Variants in DEGS2 observed in about 807,000 individuals in gnomAD.
DEGS2 encodes delta 4-desaturase, sphingolipid 2.
DEGS2 carries 19 observed loss-of-function variants against 23.8 expected under a neutral mutation model. That is an observed-to-expected ratio of 0.80 (90% CI 0.56 to 1.17). The LOEUF (loss-of-function observed/expected upper bound fraction) is 1.17, where lower values mean the gene tolerates loss of function less well. Among genes scored for constraint, DEGS2 ranks in the 50% most tolerant of loss-of-function variants. DEGS2 has a pLI of 0.00. For missense variants in DEGS2, 390 were observed against 459.5 expected (o/e 0.85, Z 1.38); for synonymous variants, 218 against 213.7 (o/e 1.02, Z -0.18).
intron 2 of DEGS2, 125 bp downstream of exon 2, chr14:100,148,843 A>G: frequency 8.7e-7 from 1 of 1,155,078 alleles, no homozygotes; most frequent in Non-Finnish European, 1.2e-6. Context: ...GCAAGTGGCC[A>G]TGCCATGACT....
the DEGS2 span, among the ~76,000 whole-genome samples, chr14:100,166,846 G>C: frequency 6.6e-6 from 1 of 152,174 alleles, no homozygotes; most frequent in Non-Finnish European, 1.5e-5. Flanking sequence ...AAGGAAGTCC[G>C]GGCGCCGTGG....
intron 2 of DEGS2, among the ~76,000 whole-genome samples, chr14:100,148,300 G>A (rs76469745): frequency 9.5e-4 from 144 of 152,316 alleles, no homozygotes; most frequent in African/African-American, 3.2e-3. Context: ...AGAGGCGTGC[G>A]CTCAGGCGCT....
Position 100,149,556 on chromosome 14 carries a change from G to C in DEGS2, c.237C>G (p.Cys79Trp), listed in dbSNP as rs374486808. 1 of 1,606,898 alleles carries C rather than the reference G, an allele frequency of 6.2e-7. No homozygotes were observed. Among genetic ancestry groups the C allele is most frequent in the Non-Finnish European group, 8.5e-7 (1 of 1,178,252 alleles). The change falls in exon 2 of 3, where the codon TGC becomes TGG. Residue 79 changes from cysteine to tryptophan, a missense_variant. Transcript: ENST00000305631. ...TGGCCAGCGTCAGCGAGTGGTTCAC[G>C]CAGCCACCAAAGGCGTAGGCCCAGA... ...LLFWAYAFGG[C>W]VNHSLTLAIH...
At chr14:100,163,285 A>G (rs1449630281), upstream of DEGS2, among the ~76,000 whole-genome samples, 2 of 151,838 alleles carry the variant, frequency 1.3e-5, no homozygotes, top group Non-Finnish European at 2.9e-5. Flanking sequence ...TACTAAAAAT[A>G]CAAAAATTAG....
Position 100,146,822 on chromosome 14 carries a change from T to C in DEGS2, c.911A>G (p.Asp304Gly). The change falls in exon 3 of 3, where the codon GAC (aspartate) becomes GGC (glycine). Residue 304 changes from aspartate (D) to glycine (G), a missense_variant. Asp to Gly is a moderately conservative substitution (Grantham distance 94). Coordinates refer to ENST00000305631, the MANE Select transcript of DEGS2 (RefSeq NM_206918.3). Reference protein sequence around the residue: ...VKVLWDFVFEDSLGPYARVKR... With the variant: ...VKVLWDFVFEGSLGPYARVKR... ...CACCCTGGCATAGGGCCCCAGGGAG[T>C]CCTCAAACACAAAATCCCAGAGCAC... The C allele has an allele frequency of 1.9e-6, 3 of 1,613,042 alleles. No homozygotes were observed. The highest frequency in any genetic ancestry group is 2.5e-6 in the Non-Finnish European group (3 of 1,179,754).
Position 100,144,879 on chromosome 14 carries a change from T to C in DEGS2, c.*1882A>G, listed in dbSNP as rs1889408977. ...GCCGGCACTGCCTGCTGGGACCCAG[T>C]GGCTGATCTCAAGGGCCGGCTCCTA... On this transcript the variant is annotated 3_prime_UTR_variant, in exon 3 of 3. Coordinates refer to ENST00000305631, the MANE Select transcript of DEGS2 (RefSeq NM_206918.3). 1 of 152,248 alleles carries C rather than the reference T, an allele frequency of 6.6e-6. No homozygotes were observed. The highest frequency in any genetic ancestry group is 2.4e-5 in the African/African-American group (1 of 41,462). The allele number at this position is 152,248 out of a possible 1,614,324, so 9.4% of individuals were successfully genotyped here.
At chr14:100,151,428 G>A (rs1011293465) in intron 1 of DEGS2, among the ~76,000 whole-genome samples, 18 of 152,332 alleles carry the variant, frequency 1.2e-4, no homozygotes, top group African/African-American at 3.6e-4. Flanking sequence ...AGCACAGGGC[G>A]CGACTCAAGG....
the DEGS2 span, among the ~76,000 whole-genome samples, chr14:100,166,253 C>G: frequency 3.5e-5 from 4 of 114,162 alleles, no homozygotes; most frequent in African/African-American, 1.3e-4. Flanking sequence ...GGGAGCCTGT[C>G]CGGGGGAGTG....
At chr14:100,157,595 G>A (rs1235430361) in intron 1 of DEGS2, among the ~76,000 whole-genome samples, 1 of 152,196 alleles carries the variant, frequency 6.6e-6, no homozygotes, top group African/African-American at 2.4e-5. Flanking sequence ...CCACTGCTGG[G>A]ACCAGACGAT....
chr14:100,162,606 T>TAC (rs375964835), upstream of DEGS2, among the ~76,000 whole-genome samples: 6 of 151,946 alleles, frequency 3.9e-5, no homozygotes, highest in Admixed American at 1.3e-4. Context: ...TTTGGGAGTG[T>TAC]ACACACACAC....
rs965098509 is a variant in DEGS2 at position 100,146,700 on chromosome 14, T to C, written c.*61A>G. The C allele has an allele frequency of 7.6e-6, 12 of 1,588,526 alleles. No homozygotes were observed. In the African/African-American group the frequency reaches 1.2e-4, roughly 16 times the overall value. On this transcript the variant is annotated 3_prime_UTR_variant, in exon 3 of 3. Coordinates refer to ENST00000305631, the MANE Select transcript of DEGS2 (RefSeq NM_206918.3). ...GGAAGGAAATGTAGCTTCTCAGTGC[T>C]GGGGTGCAAGGCTGAGGGGCCGATG...
intron 1 of DEGS2, among the ~76,000 whole-genome samples, chr14:100,154,896 C>G (rs1889634037): frequency 6.6e-6 from 1 of 152,224 alleles, no homozygotes; most frequent in African/African-American, 2.4e-5. Flanking sequence ...CCACCCCTGC[C>G]CCTCCTGACT....
At chr14:100,152,191 G>A (rs1473190678) in intron 1 of DEGS2, among the ~76,000 whole-genome samples, 1 of 152,176 alleles carries the variant, frequency 6.6e-6, no homozygotes, top group Non-Finnish European at 1.5e-5. Flanking sequence ...AGCGAGGGTG[G>A]GTCTGCCTAG....
chr14:100,160,428 G>C (rs1306399290), upstream of DEGS2, among the ~76,000 whole-genome samples: 2 of 152,216 alleles, frequency 1.3e-5, no homozygotes, highest in African/African-American at 4.8e-5. Flanking sequence ...TTGGTGCTAG[G>C]GGGAACAGCA....
At chr14:100,150,110 C>T (rs1361377984) in intron 1 of DEGS2, among the ~76,000 whole-genome samples, 1 of 152,210 alleles carries the variant, frequency 6.6e-6, no homozygotes, top group African/African-American at 2.4e-5. Flanking sequence ...ACCCAGCGCC[C>T]GCAGCAAAGT....
At chr14:100,158,203 G>A (rs945425846) in intron 1 of DEGS2, among the ~76,000 whole-genome samples, 6 of 151,998 alleles carry the variant, frequency 3.9e-5, no homozygotes, top group Admixed American at 6.5e-5. Context: ...GAGCTCGGAA[G>A]TTTGAGACCA....
intron 1 of DEGS2, among the ~76,000 whole-genome samples, chr14:100,155,940 C>T (rs561309104): frequency 1.4e-4 from 22 of 152,134 alleles, no homozygotes; most frequent in African/African-American, 2.2e-4. Context: ...GGGCCAGTCT[C>T]GCTGGCTCCG....
At chr14:100,150,506 C>G (rs1168754713) in intron 1 of DEGS2, among the ~76,000 whole-genome samples, 2 of 151,730 alleles carry the variant, frequency 1.3e-5, no homozygotes, top group Non-Finnish European at 2.9e-5. Context: ...GAGCCACAAG[C>G]AGGCAGCTCT....
Position 100,146,526 on chromosome 14 carries a change from C to T in DEGS2, c.*235G>A, listed in dbSNP as rs1889447424. The T allele has an allele frequency of 5.4e-6, 3 of 552,278 alleles. No homozygotes were observed. The highest frequency in any genetic ancestry group is 9.4e-6 in the Non-Finnish European group (3 of 319,974). The allele number at this position is 552,278 out of a possible 1,614,324, so 34.2% of individuals were successfully genotyped here. On this transcript the variant is annotated 3_prime_UTR_variant, in exon 3 of 3. Transcript: ENST00000305631. ...CAGGTCATGGTGGGGCAGGGCCAGG[C>T]CTCACCTGGGGAGGCCCAGAAAGGG...
Sources: allele counts gnomAD v4.1 joint callset (sites outside exome capture counted in the v4.1 genomes callset), GRCh38; gene constraint gnomAD v4.1.1; transcripts MANE v1.5; gene names NCBI Gene and HGNC (gene_info 2026-07-23, HGNC 2026-07-21).